Variants in TNKS observed in about 807,000 individuals in gnomAD.
The protein encoded by TNKS is tankyrase.
Under a neutral mutation model 135.8 loss-of-function variants are expected in TNKS, and 72 were observed. The observed-to-expected ratio is 0.53, with a 90% confidence interval of 0.44 to 0.64. The LOEUF (loss-of-function observed/expected upper bound fraction) is 0.64, where lower values mean the gene tolerates loss of function less well. Ranked by LOEUF, TNKS falls within the 30% of genes least tolerant of loss-of-function variation. The pLI is 0.00. For missense variants in TNKS, 1,769 were observed against 1,674.0 expected (o/e 1.06, Z -0.99); for synonymous variants, 849 against 649.3 (o/e 1.31, Z -4.68).
At chr8:9,598,859 A>G (rs796616186) in intron 2 of TNKS, among the ~76,000 whole-genome samples, 9 of 143,594 alleles carry the variant, frequency 6.3e-5, no homozygotes, top group African/African-American at 2.3e-4. Flanking sequence ...TAAGAAATTT[A>G]TCTGGAATGC....
In TNKS at chr8:9,699,841, A is replaced by T. The variant is rs56318154; in HGVS notation, c.1108-4822A>T. On this transcript the variant is annotated intron_variant, in intron 5 of 26. Transcript: ENST00000310430. ...TCTTTCCAAGACTCTAATCTTAAGT[A>T]ATTTTCTGCTTCAAGTCTTTCAGTG... Among the ~76,000 whole-genome samples, 1,393 of 152,336 alleles carry T rather than the reference A, an allele frequency of 9.1e-3. 9 individuals are homozygous for T. Among genetic ancestry groups the T allele is most frequent in the Non-Finnish European group, 0.013 (918 of 68,032 alleles).
chr8:9,730,348 GC>G (rs1030717024), intron 13 of TNKS, among the ~76,000 whole-genome samples: 141 of 152,264 alleles, frequency 9.3e-4, no homozygotes, highest in African/African-American at 3.0e-3. Flanking sequence ...AGCAAACGTT[GC>G]CCCAAAAGGC....
intron 26 of TNKS, 140 bp from the exon 27 acceptor site, chr8:9,776,510 T>C: frequency 1.5e-6 from 1 of 664,380 alleles, no homozygotes; most frequent in Non-Finnish European, 2.6e-6. Context: ...GAACCTCAAA[T>C]TGTTCAGGCA....
chr8:9,659,963 A>T (rs1285857434), intron 3 of TNKS, among the ~76,000 whole-genome samples: 1 of 152,260 alleles, frequency 6.6e-6, no homozygotes, highest in African/African-American at 2.4e-5. Flanking sequence ...AAACACCTCT[A>T]TGCAAATAAA....
chr8:9,769,531 C>T (rs569729454), intron 25 of TNKS, among the ~76,000 whole-genome samples: 2 of 152,028 alleles, frequency 1.3e-5, no homozygotes, highest in East Asian at 3.9e-4. Context: ...CACTTTCCAC[C>T]TACCCATCCA....
At chr8:9,575,343 C>T (rs992940675) in intron 1 of TNKS, 12 of 971,718 alleles carry the variant, frequency 1.2e-5, no homozygotes, top group African/African-American at 3.5e-5. Context: ...CTTCGGCCTC[C>T]CTAAATTACA....
At chr8:9,579,118 C>G (rs543237126) in intron 1 of TNKS, among the ~76,000 whole-genome samples, 83 of 152,258 alleles carry the variant, frequency 5.5e-4, no homozygotes, top group African/African-American at 1.8e-3. Context: ...CTCTTTCTGA[C>G]TCCCCCTAAA....
At chr8:9,614,742 G>A (rs944812623) in intron 2 of TNKS, among the ~76,000 whole-genome samples, 2 of 152,098 alleles carry the variant, frequency 1.3e-5, no homozygotes, top group African/African-American at 4.8e-5. Context: ...TAGTATTACA[G>A]CAACAGTCTC....
chr8:9,637,917 A>G (rs1800573127), intron 3 of TNKS, among the ~76,000 whole-genome samples: 1 of 152,268 alleles, frequency 6.6e-6, no homozygotes, highest in East Asian at 1.9e-4. Context: ...TCTTAAGGTT[A>G]TACTTTAATG....
intron 2 of TNKS, among the ~76,000 whole-genome samples, chr8:9,612,395 C>A (rs1799494609): frequency 6.6e-6 from 1 of 151,996 alleles, no homozygotes; most frequent in Admixed American, 6.5e-5. Context: ...ATAGCATAGA[C>A]CTGGGAATGG....
chr8:9,606,262 G>A (rs28464158), intron 2 of TNKS, among the ~76,000 whole-genome samples: 27,371 of 147,784 alleles, frequency 0.19, 2,759 homozygotes, highest in East Asian at 0.28. Flanking sequence ...TGAAAAGTCA[G>A]TTGACTCCCT....
intron 3 of TNKS, among the ~76,000 whole-genome samples, chr8:9,638,246 A>T (rs1397499365): frequency 6.6e-6 from 1 of 152,222 alleles, no homozygotes; most frequent in East Asian, 1.9e-4. Flanking sequence ...AAGCGTTGGG[A>T]TTACAGATAC....
chr8:9,646,632 C>G (rs1200963104), intron 3 of TNKS, among the ~76,000 whole-genome samples: 1 of 152,158 alleles, frequency 6.6e-6, no homozygotes, highest in African/African-American at 2.4e-5. Context: ...CTCATGGAAT[C>G]TCAAGGTTAA....
chr8:9,766,446 G>A (rs1398937043), intron 25 of TNKS, 21 bp downstream of exon 25: 4 of 1,416,516 alleles, frequency 2.8e-6, no homozygotes, highest in East Asian at 5.1e-5. Flanking sequence ...TGCCATTAGT[G>A]TAACGTTTCC....
At chr8:9,576,292 C>A (rs188619746) in intron 1 of TNKS, among the ~76,000 whole-genome samples, 1 of 152,030 alleles carries the variant, frequency 6.6e-6, no homozygotes, top group Non-Finnish European at 1.5e-5. Context: ...CTACCTAAGA[C>A]GGTAATTTAT....
chr8:9,644,173 G>A (rs1425732310), intron 3 of TNKS, among the ~76,000 whole-genome samples: 3 of 152,146 alleles, frequency 2.0e-5, no homozygotes, highest in African/African-American at 7.2e-5. Context: ...GTCAGTTGAA[G>A]AGTGCTGTGA....
intron 2 of TNKS, among the ~76,000 whole-genome samples, chr8:9,580,857 T>C (rs941924463): frequency 3.3e-5 from 5 of 152,174 alleles, no homozygotes; most frequent in African/African-American, 1.2e-4. Context: ...ATATGTGCCA[T>C]AGTCTAGAGA....
At chr8:9,765,550 C>T (rs761523524) in intron 23 of TNKS, 142 bp from the exon 24 acceptor site, 58 of 661,788 alleles carry the variant, frequency 8.8e-5, no homozygotes, top group Non-Finnish European at 1.3e-4. Context: ...CTGAATTACA[C>T]TGACATGGTA....
chr8:9,699,656 TCTCATAGCTCAGCTA>T (rs1409228361), intron 5 of TNKS, among the ~76,000 whole-genome samples: 2 of 152,190 alleles, frequency 1.3e-5, no homozygotes, highest in Admixed American at 1.3e-4. Flanking sequence ...AATTCACCAC[TCTCATAGCTCAGCTA>T]CTCCTACTTA....
Sources: gnomAD v4.1 joint callset for allele counts (sites outside exome capture counted in the v4.1 genomes callset) on GRCh38, gnomAD v4.1.1 for gene constraint, MANE v1.5 for transcripts, NCBI Gene and HGNC (gene_info 2026-07-23, HGNC 2026-07-21) for gene names.